Variants in CSMD1 observed in about 807,000 individuals in gnomAD.
CSMD1 encodes the protein CUB and sushi domain-containing protein 1.
CSMD1 carries 213 observed loss-of-function variants against 417.5 expected under a neutral mutation model. The ratio of observed to expected loss-of-function variants is 0.51; its 90% CI spans 0.46 to 0.57. The LOEUF (loss-of-function observed/expected upper bound fraction) is 0.57, where lower values mean the gene tolerates loss of function less well. Ranked by LOEUF, CSMD1 falls within the 20% of genes least tolerant of loss-of-function variation. The pLI is 0.00. For synonymous variants in CSMD1, 2,862 were observed against 1,736.8 expected (o/e 1.65, Z -16.11); for missense variants, 6,923 against 4,529.7 (o/e 1.53, Z -15.17).
intron 5 of CSMD1, among the ~76,000 whole-genome samples, chr8:3,980,808 C>A (rs1013257003): frequency 3.3e-5 from 5 of 152,132 alleles, no homozygotes; most frequent in Admixed American, 3.3e-4. Flanking sequence ...TACCCCTTGG[C>A]CAACCACTAA....
intron 26 of CSMD1, among the ~76,000 whole-genome samples, chr8:3,273,442 C>A (rs914650099): frequency 1.3e-5 from 2 of 151,916 alleles, no homozygotes; most frequent in Non-Finnish European, 2.9e-5. Context: ...TGATGCTGGC[C>A]TCATAAAATG....
chr8:4,649,902 G>C (rs1803776334), intron 1 of CSMD1, among the ~76,000 whole-genome samples: 1 of 152,142 alleles, frequency 6.6e-6, no homozygotes, highest in African/African-American at 2.4e-5. Context: ...GTATGACTGG[G>C]GGCACCATGT....
chr8:4,123,394 G>A (rs1035676398), intron 3 of CSMD1, among the ~76,000 whole-genome samples: 13 of 152,182 alleles, frequency 8.5e-5, no homozygotes, highest in Admixed American at 5.9e-4. Context: ...TTATCTGGGT[G>A]TGCCACATAT....
At chr8:4,243,304 C>G (rs1371812748) in intron 3 of CSMD1, among the ~76,000 whole-genome samples, 1 of 152,082 alleles carries the variant, frequency 6.6e-6, no homozygotes, top group Non-Finnish European at 1.5e-5. Context: ...ATGGTAAAGG[C>G]TCTTGGCTAA....
At chr8:3,149,819 G>A (rs954680040) in intron 40 of CSMD1, among the ~76,000 whole-genome samples, 1 of 152,152 alleles carries the variant, frequency 6.6e-6, no homozygotes. Flanking sequence ...TGGAGCCCCT[G>A]TGCCTTAACT....
At position 4,082,049 on chromosome 8, in the gene CSMD1, G is replaced by A. The variant is rs185455031; in HGVS notation, c.416-49950C>T. On this transcript the variant is annotated intron_variant, in intron 3 of 69. Transcript: ENST00000635120. ...AATAGAGAAATTAGGAAAGCCAAAG[G>A]CATTTTAGGGGAAAGATTAATTGAT... is the stretch of plus-strand genomic sequence containing the variant. Among the ~76,000 whole-genome samples, 174 of 152,070 alleles carry A rather than the reference G, an allele frequency of 1.1e-3. 1 individual carries two copies. Among genetic ancestry groups the A allele is most frequent in the African/African-American group, 3.8e-3 (157 of 41,512 alleles).
chr8:4,541,732 C>CTAAA (rs922656439), intron 2 of CSMD1, among the ~76,000 whole-genome samples: 42 of 151,880 alleles, frequency 2.8e-4, no homozygotes, highest in African/African-American at 8.5e-4. Flanking sequence ...GAGACCCTGT[C>CTAAA]TAAATAAATA....
intron 5 of CSMD1, among the ~76,000 whole-genome samples, chr8:3,893,163 G>T (rs1807101109): frequency 6.6e-6 from 1 of 151,350 alleles, no homozygotes; most frequent in Admixed American, 6.6e-5. Context: ...TTTAGCCAAA[G>T]CTGCAGTGAA....
Position 4,637,520 on chromosome 8 carries a change from T to G in CSMD1, c.124A>C (p.Thr42Pro), listed in dbSNP as rs765202683. The stretch of plus-strand genomic sequence containing the variant: ...TGAGGAAACCCTGGGCTCTCAATAG[T>G]GCCATTGGGACCCTGGACTAAGCCT... The part of the protein sequence containing the change: ...CGGLVQGPNG[T>P]IESPGFPHGY... The change falls in exon 2 of 70, where the codon ACT becomes CCT. Residue 42 changes from threonine to proline, a missense_variant. Coordinates refer to ENST00000635120, the MANE Select transcript of CSMD1 (RefSeq NM_033225.6). 1.9e-6 allele frequency: 3 copies of G among 1,613,644 alleles called. No individual in the cohort carries two copies. Among genetic ancestry groups the G allele is most frequent in the Non-Finnish European group, 2.5e-6 (3 of 1,179,834 alleles).
chr8:3,825,478 A>C (rs1360598071), intron 5 of CSMD1, among the ~76,000 whole-genome samples: 1 of 152,146 alleles, frequency 6.6e-6, no homozygotes, highest in Non-Finnish European at 1.5e-5. Flanking sequence ...GCAGTGAGCC[A>C]AGATAAACAA....
At chr8:3,278,358 A>G (rs1185378798) in intron 26 of CSMD1, 1 of 152,202 alleles carries the variant, frequency 6.6e-6, no homozygotes, top group East Asian at 1.9e-4. Flanking sequence ...AAATATTCAC[A>G]TAACTATTTT....
Position 4,024,191 on chromosome 8 carries a change from CAG to C in CSMD1, c.610+7712_610+7713del, listed in dbSNP as rs1563331140. Among the ~76,000 whole-genome samples, 12 of 151,738 alleles carry C rather than the reference CAG, an allele frequency of 7.9e-5. 1 individual carries two copies. Among genetic ancestry groups the C allele is most frequent in the African/African-American group, 2.9e-4 (12 of 41,162 alleles). ...GTATTATTCCAGTTCATAAATATAACAGATAGTAAGAAGACATGGGAAACAGA... is the reference window on the plus strand; with the variant it reads ...GTATTATTCCAGTTCATAAATATAACATAGTAAGAAGACATGGGAAACAGA... On this transcript the variant is annotated intron_variant, in intron 4 of 69. Coordinates refer to ENST00000635120, the MANE Select transcript of CSMD1 (RefSeq NM_033225.6).
intron 3 of CSMD1, among the ~76,000 whole-genome samples, chr8:4,330,528 T>C (rs2128890244): frequency 6.6e-6 from 1 of 150,628 alleles, no homozygotes; most frequent in East Asian, 2.0e-4. Context: ...AGGCAGAGGT[T>C]ACAGTAAGCC....
chr8:4,173,123 T>C (rs1216161135), intron 3 of CSMD1, among the ~76,000 whole-genome samples: 1 of 152,138 alleles, frequency 6.6e-6, no homozygotes, highest in Non-Finnish European at 1.5e-5. Flanking sequence ...GAAGTAACTA[T>C]ACAGTGCAAC....
chr8:3,820,400 G>C (rs771967584), intron 5 of CSMD1, among the ~76,000 whole-genome samples: 1 of 152,154 alleles, frequency 6.6e-6, no homozygotes, highest in Non-Finnish European at 1.5e-5. Flanking sequence ...CTAAAAGTGA[G>C]TCATATACAT....
intron 1 of CSMD1, among the ~76,000 whole-genome samples, chr8:4,707,922 A>T (rs1437179907): frequency 1.2e-5 from 1 of 83,758 alleles, no homozygotes; most frequent in Non-Finnish European, 2.3e-5. Context: ...AAAAAAAAAA[A>T]AAAAAAAGAG....
At chr8:3,131,294 G>A (rs1817778623) in intron 41 of CSMD1, among the ~76,000 whole-genome samples, 1 of 151,446 alleles carries the variant, frequency 6.6e-6, no homozygotes, top group East Asian at 1.9e-4. Flanking sequence ...GTATACATAT[G>A]TAACTAACCT....
intron 3 of CSMD1, among the ~76,000 whole-genome samples, chr8:4,265,892 C>A (rs1201199355): frequency 9.6e-6 from 1 of 104,380 alleles, no homozygotes; most frequent in East Asian, 2.6e-4. Flanking sequence ...GATTCCCACA[C>A]AAATCCAAAA....
intron 7 of CSMD1, among the ~76,000 whole-genome samples, chr8:3,629,974 C>T (rs1584986768): frequency 1.3e-5 from 2 of 152,178 alleles, no homozygotes; most frequent in Middle Eastern, 3.4e-3. Context: ...TAAAAACTGG[C>T]AAAAAATGTT....
Sources: allele counts gnomAD v4.1 joint callset (sites outside exome capture counted in the v4.1 genomes callset), GRCh38; gene constraint gnomAD v4.1.1; transcripts MANE v1.5; gene names NCBI Gene and HGNC (gene_info 2026-07-23, HGNC 2026-07-21).